Variants in CREB5 observed in about 807,000 individuals in gnomAD.
CREB5 encodes cAMP responsive element binding protein 5, also known as cyclic AMP-responsive element-binding protein 5.
A neutral mutation model predicts 57.1 loss-of-function variants in CREB5; 19 were observed. The ratio of observed to expected loss-of-function variants is 0.33; its 90% CI spans 0.23 to 0.49. CREB5 has a LOEUF of 0.49. CREB5 is among the 20% of genes least tolerant of loss of function. The pLI is 0.99. For missense variants in CREB5, 579 were observed against 671.6 expected (o/e 0.86, Z 1.52); for synonymous variants, 238 against 238.3 (o/e 1.00, Z 0.01).
intron 5 of CREB5, among the ~76,000 whole-genome samples, chr7:28,606,512 C>T (rs1583407500): frequency 6.6e-6 from 1 of 152,124 alleles, no homozygotes; most frequent in South Asian, 2.1e-4. Context: ...GGAATAGGGC[C>T]CTCAGCAGTC....
intron 3 of CREB5, among the ~76,000 whole-genome samples, chr7:28,500,663 C>T (rs1387254402): frequency 1.3e-5 from 2 of 152,144 alleles, no homozygotes; most frequent in African/African-American, 4.8e-5. Context: ...CATGATCATC[C>T]AATCACAGAA....
At chr7:28,632,653 C>A (rs967531274) in intron 5 of CREB5, among the ~76,000 whole-genome samples, 4 of 152,210 alleles carry the variant, frequency 2.6e-5, no homozygotes, top group African/African-American at 4.8e-5. Context: ...AACGCTGCTA[C>A]TTAACTTATG....
At chr7:28,513,042 C>T (rs371310621) in intron 4 of CREB5, among the ~76,000 whole-genome samples, 2 of 152,174 alleles carry the variant, frequency 1.3e-5, no homozygotes, top group African/African-American at 2.4e-5. Context: ...GCCTCAGCTC[C>T]GCAAAGCAGG....
At position 28,601,238 on chromosome 7, in the gene CREB5, G is replaced by A. The variant is rs1185456329; in HGVS notation, c.464+30701G>A. 3.9e-5 allele frequency among the ~76,000 whole-genome samples: 6 copies of A among 152,008 alleles called. No individual in the cohort carries two copies. The East Asian group carries it at 1.2e-3, about 29-fold the overall frequency. On this transcript the variant is annotated intron_variant, in intron 5 of 10. Transcript: ENST00000357727. ...AGAATCTATTTTAGTGTGGGGTGGT[G>A]GTGGAAAAGGGGATTTGTTCTACAG...
chr7:28,619,213 C>T (rs1232339220), intron 5 of CREB5, among the ~76,000 whole-genome samples: 1 of 152,164 alleles, frequency 6.6e-6, no homozygotes, highest in East Asian at 1.9e-4. Context: ...TGCTCAAAGG[C>T]CTGCAGCTAG....
intron 5 of CREB5, among the ~76,000 whole-genome samples, chr7:28,660,457 A>C (rs1278556122): frequency 6.7e-6 from 1 of 148,576 alleles, no homozygotes; most frequent in African/African-American, 2.5e-5. Context: ...AACGGTAAGC[A>C]AAAGCAGAGT....
chr7:28,494,803 G>A, intron 2 of CREB5, 103 bp from the exon 3 acceptor site: 1 of 636,498 alleles, frequency 1.6e-6, no homozygotes, highest in Non-Finnish European at 2.5e-6. Flanking sequence ...TGCCTGTCAT[G>A]TTTGCAATGC....
Position 28,561,770 on chromosome 7 carries a change from G to C in CREB5, c.292-8595G>C, listed in dbSNP as rs980651564. On this transcript the variant is annotated intron_variant, in intron 4 of 10. Transcript: ENST00000357727. ...TGTCATTTTTATTTTTCGAGATGGA[G>C]TCTCACTGTGTTGCCCAGGCTGGAG... Among the ~76,000 whole-genome samples, 5 of 152,228 alleles carry C rather than the reference G, an allele frequency of 3.3e-5. 1 individual carries two copies. In the South Asian group the frequency reaches 8.3e-4, roughly 25 times the overall value.
At chr7:28,477,438 C>G (rs765922989) in intron 1 of CREB5, among the ~76,000 whole-genome samples, 4 of 152,230 alleles carry the variant, frequency 2.6e-5, no homozygotes, top group Non-Finnish European at 5.9e-5. Context: ...AGCAAAGAAA[C>G]CACGTTCATG....
intron 4 of CREB5, among the ~76,000 whole-genome samples, chr7:28,541,895 C>T (rs2128628553): frequency 6.6e-6 from 1 of 152,280 alleles, no homozygotes; most frequent in Non-Finnish European, 1.5e-5. Flanking sequence ...ATGCTCAATT[C>T]AAAGGTTAGG....
intron 5 of CREB5, among the ~76,000 whole-genome samples, chr7:28,654,596 G>A (rs572592773): frequency 1.3e-5 from 2 of 152,292 alleles, no homozygotes; most frequent in East Asian, 3.9e-4. Flanking sequence ...TACCTTTTCT[G>A]TACTGCATTT....
chr7:28,691,527 T>C (rs1228293683), intron 5 of CREB5, among the ~76,000 whole-genome samples: 1 of 151,712 alleles, frequency 6.6e-6, no homozygotes, highest in Non-Finnish European at 1.5e-5. Flanking sequence ...CCCTCTCACA[T>C]ATATTTTCTA....
At chr7:28,410,810 A>G, upstream of CREB5, 1 of 333,844 alleles carries the variant, frequency 3.0e-6, no homozygotes, top group Admixed American at 4.2e-5. Context: ...TCAAGGGTTC[A>G]GGAGCTTAGA....
At chr7:28,316,176 G>C (rs1157482828) in intron 1 of CREB5, among the ~76,000 whole-genome samples, 1 of 152,114 alleles carries the variant, frequency 6.6e-6, no homozygotes, top group Non-Finnish European at 1.5e-5. Flanking sequence ...TGGTGAACTT[G>C]GCCTTCAAGT....
chr7:28,718,233 G>A (rs1296959549), intron 5 of CREB5, among the ~76,000 whole-genome samples: 1 of 152,232 alleles, frequency 6.6e-6, no homozygotes, highest in Non-Finnish European at 1.5e-5. Context: ...CATTCACAGT[G>A]GAGAACGCTG....
chr7:28,459,488 A>T (rs987279290), intron 1 of CREB5, among the ~76,000 whole-genome samples: 1 of 152,146 alleles, frequency 6.6e-6, no homozygotes, highest in Non-Finnish European at 1.5e-5. Context: ...GGCCCTTCAA[A>T]GGGTCCATGG....
chr7:28,461,415 C>A (rs571337556), intron 1 of CREB5, among the ~76,000 whole-genome samples: 2 of 151,934 alleles, frequency 1.3e-5, no homozygotes, highest in East Asian at 3.9e-4. Context: ...TGATGGGTAT[C>A]TTTTTTAGCA....
intron 5 of CREB5, among the ~76,000 whole-genome samples, chr7:28,590,085 G>A (rs1192643945): frequency 6.6e-6 from 1 of 152,154 alleles, no homozygotes. Flanking sequence ...TGGTGGGACT[G>A]TAAACTAGTT....
At chr7:28,303,347 A>G (rs1785133183) in intron 1 of CREB5, among the ~76,000 whole-genome samples, 1 of 152,222 alleles carries the variant, frequency 6.6e-6, no homozygotes, top group Non-Finnish European at 1.5e-5. Context: ...ACTAAGACCC[A>G]ATAGAAAAAC....
Sources: gnomAD v4.1 joint callset for allele counts (sites outside exome capture counted in the v4.1 genomes callset) on GRCh38, gnomAD v4.1.1 for gene constraint, MANE v1.5 for transcripts, NCBI Gene and HGNC (gene_info 2026-07-23, HGNC 2026-07-21) for gene names.